The following FAM117B variants were observed in gnomAD, a reference collection of about 807,000 sequenced individuals.
FAM117B encodes family with sequence similarity 117 member B.
FAM117B carries 22 observed loss-of-function variants against 52.8 expected under a neutral mutation model. The observed-to-expected ratio is 0.42, with a 90% CI of 0.30 to 0.59. The LOEUF (loss-of-function observed/expected upper bound fraction) is 0.59, where lower values mean the gene tolerates loss of function less well. Ranked by LOEUF, FAM117B falls within the 20% of genes least tolerant of loss-of-function variation. FAM117B has a pLI of 0.22. For missense variants in FAM117B, 678 were observed against 802.6 expected (o/e 0.84, Z 1.88); for synonymous variants, 309 against 324.1 (o/e 0.95, Z 0.50).
In FAM117B at chr2:202,760,401, G is replaced by A. The variant is rs184767023; in HGVS notation, c.1451+1048G>A. Among the ~76,000 whole-genome samples, 8 of 152,356 alleles carry A rather than the reference G, an allele frequency of 5.3e-5. No homozygotes were observed. The South Asian group carries it at 6.2e-4, about 12-fold the overall frequency. On this transcript the variant is annotated intron_variant, in intron 7 of 7. Coordinates refer to ENST00000392238, the MANE Select transcript of FAM117B (RefSeq NM_173511.4). ...TGTGGTGCTGCTGAACCACTGTGAT[G>A]TGGCATCTCCTTTCACCGAATTCCA...
Position 202,635,479 on chromosome 2 carries a change from G to T in FAM117B, c.292G>T (p.Gly98Cys). The T allele has an allele frequency of 9.6e-7, 1 of 1,043,700 alleles. No homozygotes were observed. The highest frequency in any genetic ancestry group is 1.1e-6 in the Non-Finnish European group (1 of 870,824). The allele number at this position is 1,043,700 out of a possible 1,614,324, so 64.7% of individuals were successfully genotyped here. Residue 98 changes from glycine to cysteine, a missense_variant, in exon 1 of 8, where the codon GGC becomes TGC. Transcript: ENST00000392238. ...GCGCAGCACCAGCCCCACGCGCGGCGGCGGGAACGCGGCCGCGCGCACCAG... is the reference window on the plus strand; with the variant it reads ...GCGCAGCACCAGCCCCACGCGCGGCTGCGGGAACGCGGCCGCGCGCACCAG... ...ASRSTSPTRG[G>C]GNAAARTSPT...
At chr2:202,666,827 A>G (rs1329670968) in intron 1 of FAM117B, among the ~76,000 whole-genome samples, 2 of 150,882 alleles carry the variant, frequency 1.3e-5, no homozygotes, top group African/African-American at 2.4e-5. Flanking sequence ...TTGTAGTTTT[A>G]GTAGAGATAG....
chr2:202,729,214 A>T (rs1691302689), intron 4 of FAM117B, among the ~76,000 whole-genome samples: 1 of 152,012 alleles, frequency 6.6e-6, no homozygotes, highest in Non-Finnish European at 1.5e-5. Flanking sequence ...GGTGCCTGTA[A>T]CCCCAGCTAC....
At chr2:202,655,700 A>AAG in intron 1 of FAM117B, among the ~76,000 whole-genome samples, 1 of 88,482 alleles carries the variant, frequency 1.1e-5, no homozygotes, top group Non-Finnish European at 2.5e-5. Flanking sequence ...TGGGTGCGGG[A>AAG]AGAGAGTGAG....
At chr2:202,723,254 C>T (rs1279209178) in intron 2 of FAM117B, among the ~76,000 whole-genome samples, 1 of 152,180 alleles carries the variant, frequency 6.6e-6, no homozygotes, top group African/African-American at 2.4e-5. Context: ...ACTTTTCCTT[C>T]CCCATTTGAA....
intron 2 of FAM117B, among the ~76,000 whole-genome samples, chr2:202,722,428 C>A (rs910843593): frequency 3.9e-5 from 6 of 152,100 alleles, no homozygotes; most frequent in African/African-American, 1.4e-4. Context: ...ACCTAAATGC[C>A]CATCAACAGT....
At chr2:202,693,366 T>A (rs1690663516) in intron 1 of FAM117B, among the ~76,000 whole-genome samples, 1 of 152,142 alleles carries the variant, frequency 6.6e-6, no homozygotes, top group African/African-American at 2.4e-5. Context: ...CCCAGCACTT[T>A]GGGAAGCTGA....
At chr2:202,764,703 A>G (rs1053543967) in intron 7 of FAM117B, among the ~76,000 whole-genome samples, 6 of 152,174 alleles carry the variant, frequency 3.9e-5, no homozygotes, top group Admixed American at 2.6e-4. Context: ...TTTAATTTTC[A>G]TGAAATACCA....
At chr2:202,753,784 C>T (rs568855457) in intron 4 of FAM117B, among the ~76,000 whole-genome samples, 33 of 151,872 alleles carry the variant, frequency 2.2e-4, no homozygotes, top group African/African-American at 7.7e-4. Flanking sequence ...AACTCAACAT[C>T]ACTGATCATC....
intron 4 of FAM117B, among the ~76,000 whole-genome samples, chr2:202,740,034 G>A (rs1280381893): frequency 8.6e-5 from 13 of 151,354 alleles, no homozygotes; most frequent in East Asian, 3.9e-4. Flanking sequence ...TTAGCCAGGC[G>A]TGGTGGCGGG....
At chr2:202,685,930 G>A (rs1265303502) in intron 1 of FAM117B, among the ~76,000 whole-genome samples, 1 of 152,188 alleles carries the variant, frequency 6.6e-6, no homozygotes, top group African/African-American at 2.4e-5. Flanking sequence ...TCGATAAATT[G>A]TAGTCTATTA....
chr2:202,730,875 G>T (rs1691333270), intron 4 of FAM117B, among the ~76,000 whole-genome samples: 1 of 152,148 alleles, frequency 6.6e-6, no homozygotes, highest in South Asian at 2.1e-4. Context: ...AAAAGCAAAA[G>T]CAAGAAAAGA....
chr2:202,694,300 C>T (rs1196285715), intron 1 of FAM117B, among the ~76,000 whole-genome samples: 8 of 149,808 alleles, frequency 5.3e-5, no homozygotes, highest in Non-Finnish European at 5.9e-5. Context: ...AAGCGATTCT[C>T]CTGCCTCAGC....
At chr2:202,659,181 T>C (rs1690092719) in intron 1 of FAM117B, among the ~76,000 whole-genome samples, 1 of 151,940 alleles carries the variant, frequency 6.6e-6, no homozygotes, top group Non-Finnish European at 1.5e-5. Context: ...AATTTTTGTA[T>C]TTTAAGTAGA....
chr2:202,752,857 C>T (rs889444632), intron 4 of FAM117B, among the ~76,000 whole-genome samples: 1 of 152,104 alleles, frequency 6.6e-6, no homozygotes, highest in African/African-American at 2.4e-5. Context: ...ACAATAAAAA[C>T]ATTTTTAATT....
chr2:202,674,234 A>G (rs1007750645), intron 1 of FAM117B, among the ~76,000 whole-genome samples: 1 of 152,242 alleles, frequency 6.6e-6, no homozygotes, highest in African/African-American at 2.4e-5. Context: ...TCATATAGCT[A>G]TATCAAACTC....
chr2:202,678,836 G>A (rs1262654718), intron 1 of FAM117B, among the ~76,000 whole-genome samples: 1 of 152,164 alleles, frequency 6.6e-6, no homozygotes, highest in Non-Finnish European at 1.5e-5. Flanking sequence ...GGGATTACAC[G>A]TGTGAGCCTC....
intron 4 of FAM117B, among the ~76,000 whole-genome samples, chr2:202,742,469 C>G (rs1236267011): frequency 6.6e-6 from 1 of 152,186 alleles, no homozygotes; most frequent in Non-Finnish European, 1.5e-5. Context: ...ATTACTAGCA[C>G]TGGGACAAGT....
In FAM117B at chr2:202,765,586, G is replaced by C. The variant is rs755786632; in HGVS notation, c.1592G>C (p.Gly531Ala). Reference protein sequence around the residue: ...LLPTPDLTLKGSGHSLTVTTG... With the variant: ...LLPTPDLTLKASGHSLTVTTG... ...CCTACCCCGGATCTTACACTCAAGG[G>C]CTCTGGCCACAGCCTGACAGTCACC... is the stretch of plus-strand genomic sequence containing the variant. Residue 531 changes from glycine to alanine, a missense_variant, in exon 8 of 8, where the codon GGC becomes GCC. Physicochemically the swap from Gly to Ala is moderately conservative, Grantham distance 60. Transcript: ENST00000392238. The C allele has an allele frequency of 6.2e-7, 1 of 1,614,026 alleles. No individual in the cohort carries two copies. Among genetic ancestry groups the C allele is most frequent in the African/African-American group, 1.3e-5 (1 of 74,984 alleles).
Sources: allele counts gnomAD v4.1 joint callset (sites outside exome capture counted in the v4.1 genomes callset), GRCh38; gene constraint gnomAD v4.1.1; transcripts MANE v1.5; gene names NCBI Gene and HGNC (gene_info 2026-07-23, HGNC 2026-07-21).